Variants in TRIP4 observed in about 807,000 individuals in gnomAD.
TRIP4 encodes thyroid hormone receptor interactor 4, also known as activating signal cointegrator 1.
Under a neutral mutation model 81.8 loss-of-function variants are expected in TRIP4, and 54 were observed. That is an observed-to-expected ratio of 0.66 (90% confidence interval 0.53 to 0.83). The LOEUF is 0.83. Ranked by LOEUF, TRIP4 falls within the 40% of genes least tolerant of loss-of-function variation. The pLI is 0.00. For missense variants in TRIP4, 662 were observed against 683.6 expected, an observed-to-expected ratio of 0.97 and a Z score of 0.35; for synonymous variants, 270 against 242.8, an observed-to-expected ratio of 1.11 and a Z score of -1.04.
At chr15:64,437,202 C>T (rs1438292809) in intron 11 of TRIP4, among the ~76,000 whole-genome samples, 2 of 151,262 alleles carry the variant, frequency 1.3e-5, no homozygotes, top group Non-Finnish European at 2.9e-5. Flanking sequence ...GGGTGGATCA[C>T]GAGGTTGGGA....
chr15:64,438,110 G>T (rs1386276734), intron 11 of TRIP4, among the ~76,000 whole-genome samples: 1 of 152,174 alleles, frequency 6.6e-6, no homozygotes, highest in Non-Finnish European at 1.5e-5. Context: ...ACACCAGATT[G>T]CTTGACAATG....
chr15:64,452,680 G>C lies in TRIP4; in HGVS notation c.1679-2317G>C, dbSNP rs145252691. Among the ~76,000 whole-genome samples, 331 of 152,216 alleles carry C rather than the reference G, an allele frequency of 2.2e-3. 4 individuals carry two copies. The East Asian group carries it at 0.04, about 18-fold the overall frequency. ...TTTTACTCAAATCTTTCTGGCACAA[G>C]GTTTCCTGTTCTTTTCACTGTATCA... On this transcript the variant is annotated intron_variant, in intron 12 of 12. Transcript: ENST00000261884.
At chr15:64,433,519 A>G (rs1892321453) in intron 11 of TRIP4, among the ~76,000 whole-genome samples, 1 of 152,138 alleles carries the variant, frequency 6.6e-6, no homozygotes, top group Non-Finnish European at 1.5e-5. Flanking sequence ...CAGGAGAATC[A>G]CATGAACCCA....
intron 12 of TRIP4, among the ~76,000 whole-genome samples, chr15:64,451,468 T>C (rs1318845494): frequency 2.6e-4 from 5 of 18,884 alleles, no homozygotes; most frequent in Non-Finnish European, 4.0e-4. Flanking sequence ...ATCTGATCTT[T>C]TTTTTTTTTT....
intron 11 of TRIP4, among the ~76,000 whole-genome samples, chr15:64,432,419 G>A: frequency 1.4e-5 from 1 of 72,392 alleles, no homozygotes; most frequent in Non-Finnish European, 3.3e-5. Flanking sequence ...CTTGAGACCA[G>A]CTTGACCAGC....
intron 11 of TRIP4, among the ~76,000 whole-genome samples, chr15:64,427,118 T>C (rs1272090362): frequency 6.6e-6 from 1 of 152,218 alleles, no homozygotes; most frequent in Non-Finnish European, 1.5e-5. Context: ...CCTTTATGTT[T>C]AGACACAGAA....
At chr15:64,418,120 G>T (rs1159243219) in intron 8 of TRIP4, among the ~76,000 whole-genome samples, 7 of 152,200 alleles carry the variant, frequency 4.6e-5, no homozygotes, top group South Asian at 4.1e-4. Context: ...TGTTGTTGTT[G>T]TTGTTGTTGT....
At chr15:64,408,166 T>TTG (rs1233662106) in intron 6 of TRIP4, among the ~76,000 whole-genome samples, 3 of 150,870 alleles carry the variant, frequency 2.0e-5, no homozygotes, top group Admixed American at 6.6e-5. Flanking sequence ...TATTTTTGTT[T>TTG]TTTTTTTTTG....
chr15:64,414,607 C>A (rs1042000593), intron 8 of TRIP4, among the ~76,000 whole-genome samples: 6 of 150,276 alleles, frequency 4.0e-5, no homozygotes, highest in Non-Finnish European at 8.9e-5. Flanking sequence ...ACCTCCGCCT[C>A]CCAGGTTCAA....
chr15:64,388,084 G>T, intron 1 of TRIP4, 120 bp downstream of exon 1: 1 of 1,373,274 alleles, frequency 7.3e-7, no homozygotes, highest in East Asian at 2.7e-5. Context: ...GCTGCAGTCT[G>T]TAGTCTGTAG....
At chr15:64,395,084 G>A (rs997617154) in intron 2 of TRIP4, among the ~76,000 whole-genome samples, 1 of 147,246 alleles carries the variant, frequency 6.8e-6, no homozygotes, top group Non-Finnish European at 1.5e-5. Context: ...TGGTTCAAAC[G>A]GTCCACCTGT....
intron 11 of TRIP4, among the ~76,000 whole-genome samples, chr15:64,429,412 T>G (rs1474019646): frequency 6.6e-6 from 1 of 152,188 alleles, no homozygotes; most frequent in Admixed American, 6.5e-5. Context: ...GTTGAGAGTT[T>G]AGGAATAATG....
Position 64,397,631 on chromosome 15 carries a change from A to G in TRIP4, c.431A>G (p.Lys144Arg). 6.2e-7 allele frequency: 1 copy of G among 1,612,982 alleles called. No individual in the cohort carries two copies. Among genetic ancestry groups the G allele is most frequent in the South Asian group, 1.1e-5 (1 of 91,076 alleles). The stretch of plus-strand genomic sequence containing the variant: ...GCACAAGAGAACAGCAACTCCGTAA[A>G]GAAGAAGACAAAGTTTGTCAATTTA... Reference protein sequence around the residue: ...AKAQENSNSVKKKTKFVNLYT... With the variant: ...AKAQENSNSVRKKTKFVNLYT... Residue 144 changes from lysine (K) to arginine (R), a missense_variant, in exon 4 of 13, where the codon AAG (lysine) becomes AGG (arginine). By Grantham distance (26) the Lys-to-Arg change is conservative (BLOSUM62 2). Transcript: ENST00000261884.
At position 64,412,795 on chromosome 15, in the gene TRIP4, C is replaced by A. The variant is rs568043461; in HGVS notation, c.1044-1290C>A. ...GAATAGAGTAGCAAGTACTGTAGAG[C>A]TATAGAATGAATTAAGATAGGGTTC... On this transcript the variant is annotated intron_variant, in intron 7 of 12. Coordinates refer to ENST00000261884, the MANE Select transcript of TRIP4 (RefSeq NM_016213.5). 4.6e-5 allele frequency among the ~76,000 whole-genome samples: 7 copies of A among 152,238 alleles called. No individual in the cohort carries two copies. In the South Asian group the frequency reaches 1.4e-3, roughly 31 times the overall value.
intron 11 of TRIP4, among the ~76,000 whole-genome samples, chr15:64,442,162 G>A (rs540963647): frequency 1.5e-4 from 23 of 151,318 alleles, no homozygotes; most frequent in South Asian, 1.3e-3. Flanking sequence ...AAAACCCGTT[G>A]GAGAGTTTTA....
chr15:64,438,987 T>C (rs982218679), intron 11 of TRIP4, among the ~76,000 whole-genome samples: 2 of 152,212 alleles, frequency 1.3e-5, no homozygotes, highest in African/African-American at 4.8e-5. Context: ...GCCCCTGTCT[T>C]AGATACTAGG....
chr15:64,440,218 G>A (rs1221635642), intron 11 of TRIP4, among the ~76,000 whole-genome samples: 1 of 151,866 alleles, frequency 6.6e-6, no homozygotes, highest in African/African-American at 2.4e-5. Context: ...GGGTCACAGA[G>A]TGAAATCTCA....
chr15:64,388,100 G>A, intron 1 of TRIP4, 136 bp downstream of exon 1: 2 of 1,322,026 alleles, frequency 1.5e-6, no homozygotes, highest in Non-Finnish European at 9.7e-7. Flanking sequence ...TGTAGGCGTC[G>A]AATTTTGGCC....
At chr15:64,438,346 TTTCG>T (rs747354308) in intron 11 of TRIP4, among the ~76,000 whole-genome samples, 18 of 152,240 alleles carry the variant, frequency 1.2e-4, no homozygotes, top group Non-Finnish European at 2.2e-4. Flanking sequence ...TTATTTTGAG[TTTCG>T]CTCTTGTTGC....
Sources: allele counts gnomAD v4.1 joint callset (sites outside exome capture counted in the v4.1 genomes callset), GRCh38; gene constraint gnomAD v4.1.1; transcripts MANE v1.5; gene names NCBI Gene and HGNC (gene_info 2026-07-23, HGNC 2026-07-21).